Variants in DRAP1 observed in about 807,000 individuals in gnomAD.
The protein encoded by DRAP1 is dr1-associated corepressor.
Under a neutral mutation model 24.1 loss-of-function variants are expected in DRAP1, and 10 were observed. The ratio of observed to expected loss-of-function variants is 0.41; its 90% CI spans 0.26 to 0.70. The LOEUF (loss-of-function observed/expected upper bound fraction) is 0.70, where lower values mean the gene tolerates loss of function less well. DRAP1 is among the 30% of genes least tolerant of loss of function. The pLI is 0.29. For synonymous variants in DRAP1, 122 were observed against 113.8 expected, an observed-to-expected ratio of 1.07 and a Z score of -0.46; for missense variants, 264 against 275.6, an observed-to-expected ratio of 0.96 and a Z score of 0.30.
chr11:65,920,676 C>T lies in DRAP1; in HGVS notation c.423+14C>T, dbSNP rs1036029433. On this transcript the variant is annotated intron_variant, in intron 5 of 6. Coordinates refer to ENST00000312515, the MANE Select transcript of DRAP1 (RefSeq NM_006442.4). ...TCGGAGCAGGAGGTGAGTGAGGCCC[C>T]AGCCCTTCGCCCTGCCCTTGGTGAT... 3 of 1,475,348 alleles carry T rather than the reference C, an allele frequency of 2.0e-6. No homozygotes were observed. Among genetic ancestry groups the T allele is most frequent in the East Asian group, 5.0e-5 (2 of 40,268 alleles). The allele number at this position is 1,475,348 out of a possible 1,614,324, so 91.4% of individuals were successfully genotyped here.
intron 1 of DRAP1, 104 bp from the exon 2 acceptor site, chr11:65,919,676 G>A: frequency 6.6e-7 from 1 of 1,526,348 alleles, no homozygotes; most frequent in Non-Finnish European, 8.9e-7. Flanking sequence ...CCCTCCCCGC[G>A]TCCGTGTCCC....
rs1161100696 is a variant in DRAP1, at chr11:65,919,997, G to A, written c.165G>A (p.Gln55=). The change falls in exon 3 of 7, where the codon CAG becomes CAA. Residue 55 remains glutamine, a synonymous_variant. Coordinates refer to ENST00000312515, the MANE Select transcript of DRAP1 (RefSeq NM_006442.4). ...AGTCGCTGTTGAAGAAGGCCTGCCAGGTGACCCAGTCGCGGAACGCGAAGA... is the reference window on the plus strand; with the variant it reads ...AGTCGCTGTTGAAGAAGGCCTGCCAAGTGACCCAGTCGCGGAACGCGAAGA... ...FLESLLKKAC[Q]VTQSRNAKTM... 1.9e-6 allele frequency: 3 copies of A among 1,613,714 alleles called. No homozygotes were observed. In the Admixed American group the frequency reaches 5.0e-5, roughly 27 times the overall value.
At chr11:65,920,303 G>A (rs1256612437) in intron 3 of DRAP1, 40 bp from the exon 4 acceptor site, 1 of 1,612,520 alleles carries the variant, frequency 6.2e-7, no homozygotes, top group Non-Finnish European at 8.5e-7. Context: ...TTGGGTGTCT[G>A]GGCCCCTCTT....
chr11:65,920,505 C>T (rs1237551488), intron 4 of DRAP1, 43 bp downstream of exon 4: 4 of 1,612,532 alleles, frequency 2.5e-6, no homozygotes, highest in African/African-American at 1.3e-5. Context: ...GCCAAGGCCA[C>T]AGGGCTTGGG....
At chr11:65,920,799 T>C (rs1854540868) in intron 5 of DRAP1, 85 bp from the exon 6 acceptor site, 4 of 1,484,206 alleles carry the variant, frequency 2.7e-6, no homozygotes, top group Non-Finnish European at 3.7e-6. Flanking sequence ...AAATTGGGGC[T>C]ATGAGGGTCT....
Position 65,920,978 on chromosome 11 carries a change from C to T in DRAP1, c.512+6C>T. Reference sequence around the variant, plus strand: ...CCCTCTGCCCACTTTCAGAGGTGAGCAGCCCAGAGGCATGGGAGGGTGCTG... The same window carrying T: ...CCCTCTGCCCACTTTCAGAGGTGAGTAGCCCAGAGGCATGGGAGGGTGCTG... On this transcript the variant is annotated splice_donor_region_variant and intron_variant, in intron 6 of 6. Coordinates refer to ENST00000312515, the MANE Select transcript of DRAP1 (RefSeq NM_006442.4). 6.2e-7 allele frequency: 1 copy of T among 1,603,392 alleles called. No individual in the cohort carries two copies. Among genetic ancestry groups the T allele is most frequent in the Non-Finnish European group, 8.5e-7 (1 of 1,174,456 alleles).
Position 65,919,967 on chromosome 11 carries a change from C to T in DRAP1, c.135C>T (p.Phe45=), listed in dbSNP as rs553006242. 1.4e-5 allele frequency: 22 copies of T among 1,613,876 alleles called. No homozygotes were observed. The South Asian group carries it at 2.2e-4, about 16-fold the overall frequency. The change falls in exon 3 of 7, where the codon TTC becomes TTT. Residue 45 remains phenylalanine (F), a synonymous_variant. Coordinates refer to ENST00000312515, the MANE Select transcript of DRAP1 (RefSeq NM_006442.4). ...PVIISRALEL[F]LESLLKKACQ... ...CCTCAGCCCGGGCGCTCGAGCTCTT[C>T]CTAGAGTCGCTGTTGAAGAAGGCCT...
At chr11:65,920,763 A>G in intron 5 of DRAP1, 101 bp downstream of exon 5, 1 of 1,448,612 alleles carries the variant, frequency 6.9e-7, no homozygotes, top group Non-Finnish European at 9.2e-7. Flanking sequence ...CTTTTCTGCA[A>G]CCTGTTTGCT....
At position 65,920,324 on chromosome 11, in the gene DRAP1, C is replaced by G. The variant is rs1446871957; in HGVS notation, c.210-19C>G. On this transcript the variant is annotated intron_variant, in intron 3 of 6. Transcript: ENST00000312515. ...GTCTGGGCCCCTCTTGAGTGCCAGC[C>G]CCTCCTCACCTCTTCCAGGAAGCAG... The G allele has an allele frequency of 6.2e-7, 1 of 1,613,612 alleles. No homozygotes were observed. The highest frequency in any genetic ancestry group is 8.5e-7 in the Non-Finnish European group (1 of 1,179,932).
intron 2 of DRAP1, 44 bp downstream of exon 2, chr11:65,919,896 G>A (rs763416607): frequency 6.2e-7 from 1 of 1,613,388 alleles, no homozygotes; most frequent in South Asian, 1.1e-5. Flanking sequence ...GTGGGGGAGG[G>A]AGGCAGCGGG....
chr11:65,920,693 C>T, intron 5 of DRAP1, 31 bp downstream of exon 5: 1 of 1,466,400 alleles, frequency 6.8e-7, no homozygotes, highest in Non-Finnish European at 9.1e-7. Flanking sequence ...TCGCCCTGCC[C>T]TTGGTGATGG....
chr11:65,920,334 C>G lies in DRAP1; in HGVS notation c.210-9C>G. ...CTCTTGAGTGCCAGCCCCTCCTCAC[C>G]TCTTCCAGGAAGCAGTGCATCGAGC... On this transcript the variant is annotated splice_polypyrimidine_tract_variant and intron_variant, in intron 3 of 6. Transcript: ENST00000312515. The G allele has an allele frequency of 2.5e-6, 4 of 1,613,996 alleles. No homozygotes were observed. Among genetic ancestry groups the G allele is most frequent in the Non-Finnish European group, 3.4e-6 (4 of 1,180,004 alleles).
chr11:65,920,796 G>C, intron 5 of DRAP1, 88 bp from the exon 6 acceptor site: 1 of 1,477,634 alleles, frequency 6.8e-7, no homozygotes, highest in Non-Finnish European at 9.2e-7. Context: ...TGTAAATTGG[G>C]GCTATGAGGG....
At position 65,919,555 on chromosome 11, in the gene DRAP1, G is replaced by T. The variant is rs1457656713; in HGVS notation, c.42+12G>T. On this transcript the variant is annotated intron_variant, in intron 1 of 6. Coordinates refer to ENST00000312515, the MANE Select transcript of DRAP1 (RefSeq NM_006442.4). ...CGCGGTTCCCGCCGGTGAGCACGTGGCAGAGCCCGGCAGGAGTGGGCCCGG... is the reference window on the plus strand; with the variant it reads ...CGCGGTTCCCGCCGGTGAGCACGTGTCAGAGCCCGGCAGGAGTGGGCCCGG... 1.3e-6 allele frequency: 2 copies of T among 1,548,294 alleles called. No individual in the cohort carries two copies. The highest frequency in any genetic ancestry group is 1.7e-6 in the Non-Finnish European group (2 of 1,146,016).
chr11:65,921,506 G>C lies in DRAP1; in HGVS notation c.*71G>C. ...TGCTCTGGGGGGAGGAGAGAAGGTA[G>C]AGCTGTTCTTAAATTTATTAAAAAA... On this transcript the variant is annotated 3_prime_UTR_variant, in exon 7 of 7. Coordinates refer to ENST00000312515, the MANE Select transcript of DRAP1 (RefSeq NM_006442.4). 1 of 668,880 alleles carries C rather than the reference G, an allele frequency of 1.5e-6. No homozygotes were observed. Among genetic ancestry groups the C allele is most frequent in the Non-Finnish European group, 2.6e-6 (1 of 385,628 alleles). The allele number at this position is 668,880 out of a possible 1,614,324, so 41.4% of individuals were successfully genotyped here.
At position 65,919,835 on chromosome 11, in the gene DRAP1, C is replaced by T; in HGVS notation, c.98C>T (p.Ala33Val). ...GAAGAGATTGGGAAGGTGGCGGCGG[C>T]GGTGCCTGTCATCATCTGTATCCTG... ...TDEEIGKVAAAVPVIISRALE... is the reference protein window; with the variant it reads ...TDEEIGKVAAVVPVIISRALE... The change falls in exon 2 of 7, where the codon GCG (alanine) becomes GTG (valine). Residue 33 changes from alanine (A) to valine (V), a missense_variant. By Grantham distance (64) the Ala-to-Val change is moderately conservative. Coordinates refer to ENST00000312515, the MANE Select transcript of DRAP1 (RefSeq NM_006442.4). 1.9e-6 allele frequency: 3 copies of T among 1,612,726 alleles called. No homozygotes were observed. The highest frequency in any genetic ancestry group is 2.5e-6 in the Non-Finnish European group (3 of 1,179,932).
chr11:65,919,898 G>C (rs946824962), intron 2 of DRAP1, 46 bp downstream of exon 2: 2 of 1,613,338 alleles, frequency 1.2e-6, no homozygotes, highest in African/African-American at 2.7e-5. Context: ...GGGGGAGGGA[G>C]GCAGCGGGTC....
Position 65,921,342 on chromosome 11 carries a change from C to T in DRAP1, c.525C>T (p.Pro175=). ...TTCTGCCCTGCAGCCCCCCGACACCCTTCCTGCCCTTCGCCTCTACTCTGC... is the reference window on the plus strand; with the variant it reads ...TTCTGCCCTGCAGCCCCCCGACACCTTTCCTGCCCTTCGCCTCTACTCTGC... ...PSAHFQSPPT[P]FLPFASTLPL... The change falls in exon 7 of 7, where the codon CCC becomes CCT. Residue 175 remains proline (P), a synonymous_variant. Transcript: ENST00000312515. The T allele has an allele frequency of 1.2e-6, 2 of 1,604,454 alleles. No homozygotes were observed. The highest frequency in any genetic ancestry group is 8.5e-7 in the Non-Finnish European group (1 of 1,171,672).
Position 65,921,493 on chromosome 11 carries a change from A to T in DRAP1, c.*58A>T, listed in dbSNP as rs1854551028. The T allele has an allele frequency of 1.3e-6, 1 of 772,914 alleles. No individual in the cohort carries two copies. Among genetic ancestry groups the T allele is most frequent in the Admixed American group, 2.2e-5 (1 of 44,466 alleles). The allele number at this position is 772,914 out of a possible 1,614,324, so 47.9% of individuals were successfully genotyped here. A position where few individuals can be genotyped will look rare whatever the true frequency, so the allele number is the denominator to read the frequency against. On this transcript the variant is annotated 3_prime_UTR_variant, in exon 7 of 7. Coordinates refer to ENST00000312515, the MANE Select transcript of DRAP1 (RefSeq NM_006442.4). ...AGTTGGTTTTAGTTGCTCTGGGGGG[A>T]GGAGAGAAGGTAGAGCTGTTCTTAA... is the stretch of plus-strand genomic sequence containing the variant.
Sources: gnomAD v4.1 joint callset for allele counts on GRCh38, gnomAD v4.1.1 for gene constraint, MANE v1.5 for transcripts, NCBI Gene and HGNC (gene_info 2026-07-23, HGNC 2026-07-21) for gene names.